SENP6: variants seen among roughly 807,000 people sequenced by gnomAD.
SENP6 encodes sentrin-specific protease 6.
SENP6 carries 41 observed loss-of-function variants against 134.5 expected under a neutral mutation model. The ratio of observed to expected loss-of-function variants is 0.30; its 90% CI spans 0.24 to 0.40. The LOEUF (loss-of-function observed/expected upper bound fraction) is 0.40, where lower values mean the gene tolerates loss of function less well. Ranked by LOEUF, SENP6 falls within the 10% of genes least tolerant of loss-of-function variation. The pLI is 1.00. For missense variants in SENP6, 1,248 were observed against 1,312.5 expected, an observed-to-expected ratio of 0.95 and a Z score of 0.76; for synonymous variants, 395 against 429.8, an observed-to-expected ratio of 0.92 and a Z score of 1.00.
intron 3 of SENP6, among the ~76,000 whole-genome samples, chr6:75,629,805 A>G (rs540991367): frequency 1.3e-5 from 2 of 152,338 alleles, no homozygotes; most frequent in African/African-American, 2.4e-5. Context: ...AAAAATTAAT[A>G]TAGTGAGTTT....
At chr6:75,700,611 A>C (rs540567056) in intron 18 of SENP6, among the ~76,000 whole-genome samples, 103 of 152,152 alleles carry the variant, frequency 6.8e-4, no homozygotes, top group African/African-American at 2.4e-3. Flanking sequence ...CTCAGCCTCC[A>C]ACCCCAGTAG....
At chr6:75,666,163 T>C (rs956845054) in intron 9 of SENP6, among the ~76,000 whole-genome samples, 1 of 86,684 alleles carries the variant, frequency 1.2e-5, no homozygotes, top group African/African-American at 2.8e-5. Context: ...ATATATGATA[T>C]ATATATAAAA....
chr6:75,675,507 T>A, intron 12 of SENP6, 39 bp downstream of exon 12: 2 of 1,269,762 alleles, frequency 1.6e-6, no homozygotes, highest in Non-Finnish European at 2.2e-6. Context: ...CAAAGCTTTC[T>A]TTACACCAAA....
chr6:75,709,073 A>G (rs2149905491), intron 19 of SENP6, among the ~76,000 whole-genome samples: 1 of 152,130 alleles, frequency 6.6e-6, no homozygotes, highest in Admixed American at 6.5e-5. Context: ...ATAATTTTCC[A>G]CGTTTTCGAA....
At chr6:75,678,485 T>A in intron 14 of SENP6, 98 bp from the exon 15 acceptor site, 1 of 659,600 alleles carries the variant, frequency 1.5e-6, no homozygotes, top group Non-Finnish European at 2.7e-6. Flanking sequence ...ACATTTTTAA[T>A]CCTTTTGCAT....
intron 19 of SENP6, among the ~76,000 whole-genome samples, chr6:75,706,090 C>T (rs1001550091): frequency 2.6e-5 from 4 of 151,422 alleles, no homozygotes; most frequent in Admixed American, 6.6e-5. Context: ...TACGGGTGCG[C>T]ACCACCTCAC....
intron 1 of SENP6, among the ~76,000 whole-genome samples, chr6:75,606,028 G>A (rs1767003743): frequency 6.6e-6 from 1 of 152,100 alleles, no homozygotes; most frequent in Admixed American, 6.5e-5. Context: ...GAATCAAAAG[G>A]TTTTGTTTAG....
intron 16 of SENP6, among the ~76,000 whole-genome samples, chr6:75,691,532 C>G (rs995424934): frequency 6.6e-6 from 1 of 152,124 alleles, no homozygotes; most frequent in Non-Finnish European, 1.5e-5. Context: ...AATTGGTGCA[C>G]CCAAATGGAA....
rs1035163204 is a variant in SENP6 at position 75,631,015 on chromosome 6, C to T, written c.208-2566C>T. ...GCTCTAAGCTGCTATTTAATCCATA[C>T]ATTGGATTTTTTTTTTTTACTTTTA... On this transcript the variant is annotated intron_variant, in intron 3 of 23. Coordinates refer to ENST00000447266, the MANE Select transcript of SENP6 (RefSeq NM_015571.4). Among the ~76,000 whole-genome samples the T allele has an allele frequency of 2.0e-5, 3 of 151,798 alleles. No individual in the cohort carries two copies. In the East Asian group the frequency reaches 5.8e-4, roughly 29 times the overall value.
intron 11 of SENP6, among the ~76,000 whole-genome samples, chr6:75,673,198 A>G (rs955689934): frequency 6.6e-6 from 1 of 152,150 alleles, no homozygotes; most frequent in African/African-American, 2.4e-5. Flanking sequence ...AATGGCATAT[A>G]TTATTAGGAA....
At chr6:75,700,715 C>T (rs1036904716) in intron 18 of SENP6, among the ~76,000 whole-genome samples, 17 of 152,312 alleles carry the variant, frequency 1.1e-4, no homozygotes, top group Admixed American at 1.1e-3. Flanking sequence ...CAGTCTCCAA[C>T]TCCTGAGCTC....
chr6:75,675,912 A>C lies in SENP6; in HGVS notation c.1479A>C (p.Lys493Asn). ...EIILNTSDLT[K>N]CEWCNVRKLP... ...TATTAAATACCTCTGATCTAACTAA[A>C]TGTGAATGGTGTAATGTCCGAAAAT... is the stretch of plus-strand genomic sequence containing the variant. Residue 493 changes from lysine (K) to asparagine (N), a missense_variant, in exon 13 of 24, where the codon AAA becomes AAC. Coordinates refer to ENST00000447266, the MANE Select transcript of SENP6 (RefSeq NM_015571.4). 1.4e-5 allele frequency: 22 copies of C among 1,611,392 alleles called. No homozygotes were observed. Among genetic ancestry groups the C allele is most frequent in the Non-Finnish European group, 1.9e-5 (22 of 1,178,982 alleles).
chr6:75,663,175 A>C (rs1280149014), intron 8 of SENP6, 46 bp from the exon 9 acceptor site: 1 of 1,548,814 alleles, frequency 6.5e-7, no homozygotes, highest in South Asian at 1.2e-5. Flanking sequence ...GAAAGGAAAA[A>C]GAAAATCAGA....
rs370921527 is a variant in SENP6, at chr6:75,714,542, A to G, written c.3129+717A>G. On this transcript the variant is annotated intron_variant, in intron 23 of 23. Coordinates refer to ENST00000447266, the MANE Select transcript of SENP6 (RefSeq NM_015571.4). The stretch of plus-strand genomic sequence containing the variant: ...CTTCTGGTTTTCATGGTTGTTTCCC[A>G]AAAACATAAATCTAATCCTGTTACT... Among the ~76,000 whole-genome samples the G allele has an allele frequency of 3.3e-5, 5 of 152,264 alleles. No individual in the cohort carries two copies. The East Asian group carries it at 7.7e-4, about 23-fold the overall frequency.
In SENP6 at chr6:75,666,814, C is replaced by G; in HGVS notation, c.1097C>G (p.Ser366Cys). Residue 366 changes from serine to cysteine, a missense_variant, in exon 10 of 24, where the codon TCC (serine) becomes TGC (cysteine). This residue lies in a region of SENP6 where 733 missense variants were observed against 725.4 expected (regional missense o/e 1.01). Coordinates refer to ENST00000447266, the MANE Select transcript of SENP6 (RefSeq NM_015571.4). ...TCAGCATGTTCTTCCCCTGCACCATCCACTGGAAAAGTAGAAGCAGCGCTA... is the reference window on the plus strand; with the variant it reads ...TCAGCATGTTCTTCCCCTGCACCATGCACTGGAAAAGTAGAAGCAGCGCTA... Reference protein sequence around the residue: ...ADSACSSPAPSTGKVEAALNE... With the variant: ...ADSACSSPAPCTGKVEAALNE... 1 of 1,613,728 alleles carries G rather than the reference C, an allele frequency of 6.2e-7. No homozygotes were observed. The highest frequency in any genetic ancestry group is 8.5e-7 in the Non-Finnish European group (1 of 1,179,636).
At chr6:75,604,851 T>A (rs1049865718) in intron 1 of SENP6, among the ~76,000 whole-genome samples, 6 of 152,018 alleles carry the variant, frequency 3.9e-5, no homozygotes, top group African/African-American at 1.5e-4. Context: ...GATGAACGGA[T>A]CACCTGAGGT....
At chr6:75,626,613 A>AT (rs1768717841) in intron 3 of SENP6, among the ~76,000 whole-genome samples, 1 of 152,024 alleles carries the variant, frequency 6.6e-6, no homozygotes, top group South Asian at 2.1e-4. Context: ...GTGCATAGAT[A>AT]TTTTTTTCAT....
intron 3 of SENP6, among the ~76,000 whole-genome samples, chr6:75,627,960 C>A (rs966228673): frequency 1.3e-5 from 2 of 152,210 alleles, no homozygotes; most frequent in African/African-American, 4.8e-5. Flanking sequence ...GCGTGAGCCA[C>A]CACGCCTGGC....
chr6:75,677,012 AT>A lies in SENP6; in HGVS notation c.1622-17del. The A allele has an allele frequency of 8.3e-7, 1 of 1,210,148 alleles. No homozygotes were observed. Among genetic ancestry groups the A allele is most frequent in the Non-Finnish European group, 1.2e-6 (1 of 847,404 alleles). 75.0% of individuals were successfully genotyped at this position (1,210,148 alleles called of 1,614,324 possible). A position where few individuals can be genotyped will look rare whatever the true frequency, so the allele number is the denominator to read the frequency against. On this transcript the variant is annotated splice_polypyrimidine_tract_variant and intron_variant, in intron 13 of 23. Transcript: ENST00000447266. ...TTCTTTTGTGTTTTTTTTTGGACTT[AT>A]ATTTATTTCTTTTCAGATTTAGAAG...
Sources: allele counts gnomAD v4.1 joint callset (sites outside exome capture counted in the v4.1 genomes callset), GRCh38; gene constraint gnomAD v4.1.1; regional missense constraint gnomAD v4.1.1; transcripts MANE v1.5; gene names NCBI Gene and HGNC (gene_info 2026-07-23, HGNC 2026-07-21).